BTRC: variants seen among roughly 807,000 people sequenced by gnomAD.
BTRC encodes F-box/WD repeat-containing protein 1A.
A neutral mutation model predicts 85.5 loss-of-function variants in BTRC; 42 were observed. The observed-to-expected ratio is 0.49, with a 90% confidence interval of 0.38 to 0.64. BTRC has a LOEUF of 0.64. Among genes scored for constraint, BTRC ranks in the 30% least tolerant of loss-of-function variants. BTRC has a pLI of 0.00. For synonymous variants in BTRC, 255 were observed against 263.3 expected (o/e 0.97, Z 0.30); for missense variants, 594 against 743.5 (o/e 0.80, Z 2.34).
chr10:101,493,709 G>A (rs758691647), intron 4 of BTRC, among the ~76,000 whole-genome samples: 19 of 152,144 alleles, frequency 1.2e-4, no homozygotes, highest in Admixed American at 3.3e-4. Context: ...TGCACTTATA[G>A]TATTTTCCTT....
rs1944503838 is a variant in BTRC at position 101,435,462 on chromosome 10, CTT to C, written c.156+5012_156+5013del. ...TAAATGCCATCATATAGTGTACATT[CTT>C]TGTGTCTGTTTTCTTTCAATCAGTA... On this transcript the variant is annotated intron_variant, in intron 2 of 14. Coordinates refer to ENST00000370187, the MANE Select transcript of BTRC (RefSeq NM_033637.4). 3.3e-5 allele frequency among the ~76,000 whole-genome samples: 5 copies of C among 152,162 alleles called. No homozygotes were observed. In the South Asian group the frequency reaches 1.0e-3, roughly 32 times the overall value.
At chr10:101,490,503 G>C (rs1449847323) in intron 4 of BTRC, among the ~76,000 whole-genome samples, 1 of 152,118 alleles carries the variant, frequency 6.6e-6, no homozygotes, top group Non-Finnish European at 1.5e-5. Context: ...TTAAATGATA[G>C]AGTCAAGTTT....
chr10:101,366,670 G>A (rs2134503817), intron 1 of BTRC, among the ~76,000 whole-genome samples: 1 of 147,338 alleles, frequency 6.8e-6, no homozygotes, highest in Middle Eastern at 3.5e-3. Flanking sequence ...AGTTGGGCAG[G>A]TGCAGTGAGT....
intron 1 of BTRC, 83 bp from the exon 2 acceptor site, chr10:101,430,262 G>T (rs79829544): frequency 4.9e-6 from 4 of 823,514 alleles, no homozygotes; most frequent in Non-Finnish European, 7.6e-6. Flanking sequence ...GGAATATTGC[G>T]TTCAGCCAAG....
chr10:101,467,356 G>A (rs1392616101), intron 3 of BTRC, among the ~76,000 whole-genome samples: 4 of 114,494 alleles, frequency 3.5e-5, no homozygotes, highest in African/African-American at 1.3e-4. Flanking sequence ...CTCTCTATTT[G>A]TTTTAGGTTA....
chr10:101,383,879 T>C (rs1394037083), intron 1 of BTRC, among the ~76,000 whole-genome samples: 2 of 152,128 alleles, frequency 1.3e-5, no homozygotes, highest in African/African-American at 2.4e-5. Flanking sequence ...TTTTATCTAT[T>C]TATTTATTTA....
At chr10:101,507,832 A>G (rs1299786878) in intron 4 of BTRC, among the ~76,000 whole-genome samples, 9 of 152,176 alleles carry the variant, frequency 5.9e-5, no homozygotes, top group Non-Finnish European at 1.5e-5. Flanking sequence ...ATTAAACATT[A>G]TGTCCTTTTT....
intron 1 of BTRC, among the ~76,000 whole-genome samples, chr10:101,355,172 A>G (rs1321995535): frequency 2.0e-5 from 3 of 152,112 alleles, no homozygotes; most frequent in African/African-American, 7.2e-5. Flanking sequence ...TTTTCTGGGA[A>G]AGGAAAGGCC....
intron 1 of BTRC, among the ~76,000 whole-genome samples, chr10:101,357,686 C>G (rs1348746712): frequency 6.6e-6 from 1 of 152,106 alleles, no homozygotes; most frequent in Non-Finnish European, 1.5e-5. Context: ...GATACTCTCA[C>G]AAATTTGCTC....
chr10:101,533,975 C>A (rs1426904020), intron 9 of BTRC, among the ~76,000 whole-genome samples: 1 of 151,958 alleles, frequency 6.6e-6, no homozygotes, highest in East Asian at 1.9e-4. Flanking sequence ...AAATGATATT[C>A]TATAAAAGGG....
chr10:101,518,116 T>G (rs1470982138), intron 4 of BTRC, among the ~76,000 whole-genome samples: 2 of 151,578 alleles, frequency 1.3e-5, no homozygotes, highest in Non-Finnish European at 2.9e-5. Context: ...GTTTCACCGT[T>G]TTAGCCGGGA....
intron 1 of BTRC, among the ~76,000 whole-genome samples, chr10:101,426,341 T>C (rs1318521176): frequency 1.3e-5 from 2 of 152,242 alleles, no homozygotes; most frequent in African/African-American, 4.8e-5. Context: ...CAGATCTGAC[T>C]ATATTCAAGT....
intron 4 of BTRC, among the ~76,000 whole-genome samples, chr10:101,482,042 T>C (rs1945847774): frequency 6.6e-6 from 1 of 152,166 alleles, no homozygotes; most frequent in African/African-American, 2.4e-5. Flanking sequence ...TTTTGTGAGA[T>C]GGAGTCTCAC....
intron 13 of BTRC, among the ~76,000 whole-genome samples, chr10:101,541,265 C>CTT (rs34740269): frequency 0.61 from 89,789 of 147,024 alleles, 28,417 homozygotes; most frequent in East Asian, 0.85. Flanking sequence ...GGGTTTTTCT[C>CTT]TTTTTTTTTT....
intron 1 of BTRC, among the ~76,000 whole-genome samples, chr10:101,393,351 G>A (rs1322065864): frequency 2.0e-5 from 3 of 152,128 alleles, no homozygotes; most frequent in African/African-American, 7.2e-5. Flanking sequence ...ACCCACAGAG[G>A]GGATCATGGT....
At chr10:101,440,686 C>T (rs1944656330) in intron 2 of BTRC, among the ~76,000 whole-genome samples, 1 of 151,986 alleles carries the variant, frequency 6.6e-6, no homozygotes, top group Non-Finnish European at 1.5e-5. Flanking sequence ...CATATCACTA[C>T]ACTCCAGCCT....
intron 12 of BTRC, among the ~76,000 whole-genome samples, chr10:101,538,013 A>G (rs2062412322): frequency 6.6e-6 from 1 of 152,236 alleles, no homozygotes. Flanking sequence ...AGAAGTGCCC[A>G]GGAAGAGGAT....
At chr10:101,532,750 ATGTGTGTGTGTGTGTGTG>A (rs71643587) in intron 8 of BTRC, among the ~76,000 whole-genome samples, 184 bp from the exon 9 acceptor site, 1 of 102,186 alleles carries the variant, frequency 9.8e-6, no homozygotes, top group Non-Finnish European at 1.9e-5. Context: ...CTGAAGCTAT[ATGTGTGTGTGTGTGTGTG>A]TGTGTGTGTG....
intron 7 of BTRC, among the ~76,000 whole-genome samples, chr10:101,531,654 C>CATGTTGCAGTGAGCCAA (rs1352481640): frequency 6.6e-6 from 1 of 151,850 alleles, no homozygotes; most frequent in Non-Finnish European, 1.5e-5. Flanking sequence ...CTGGGAGGCA[C>CATGTTGCAGTGAGCCAA]ATGTTGCAGT....
Sources: gnomAD v4.1 joint callset for allele counts (sites outside exome capture counted in the v4.1 genomes callset) on GRCh38, gnomAD v4.1.1 for gene constraint, MANE v1.5 for transcripts, NCBI Gene and HGNC (gene_info 2026-07-23, HGNC 2026-07-21) for gene names.